Variants in COL12A1 observed in about 807,000 individuals in gnomAD.
COL12A1 encodes the protein collagen alpha-1(XII) chain.
Under a neutral mutation model 349.7 loss-of-function variants are expected in COL12A1, and 114 were observed. That is an observed-to-expected ratio of 0.33 (90% CI 0.28 to 0.38). The LOEUF is 0.38. COL12A1 is among the 10% of genes least tolerant of loss of function. The pLI is 1.00. For missense variants in COL12A1, 3,284 were observed against 3,756.9 expected, an observed-to-expected ratio of 0.87 and a Z score of 3.29; for synonymous variants, 1,369 against 1,329.0, an observed-to-expected ratio of 1.03 and a Z score of -0.66.
intron 21 of COL12A1, among the ~76,000 whole-genome samples, chr6:75,150,362 C>T (rs772474728): frequency 6.6e-6 from 1 of 152,070 alleles, no homozygotes; most frequent in Non-Finnish European, 1.5e-5. Context: ...ATCCTAATTC[C>T]TTAGCTATAT....
chr6:75,104,444 A>G (rs777132860), intron 54 of COL12A1, among the ~76,000 whole-genome samples: 1 of 152,168 alleles, frequency 6.6e-6, no homozygotes, highest in Non-Finnish European at 1.5e-5. Flanking sequence ...ATCGGTCTAC[A>G]TTATTTGCTA....
At chr6:75,198,204 A>G (rs990127915) in intron 2 of COL12A1, among the ~76,000 whole-genome samples, 3 of 152,226 alleles carry the variant, frequency 2.0e-5, no homozygotes, top group Non-Finnish European at 4.4e-5. Flanking sequence ...ATATGTAGTT[A>G]CTTTTAACCC....
intron 60 of COL12A1, among the ~76,000 whole-genome samples, chr6:75,092,099 A>G (rs1767793868): frequency 6.6e-6 from 1 of 152,192 alleles, no homozygotes; most frequent in African/African-American, 2.4e-5. Context: ...TATCACAAGA[A>G]CAGAAAACCT....
chr6:75,181,003 A>G lies in COL12A1; in HGVS notation c.2100T>C (p.Asn700=), dbSNP rs2149461949. The change falls in exon 11 of 66, where the codon AAT becomes AAC. Residue 700 remains asparagine (N), a synonymous_variant. Transcript: ENST00000322507. ...AGCCATCCTCATACTCCGCAGTCACATTGACCAAATACAAGGTCTCTGGCT... is the reference window on the plus strand; with the variant it reads ...AGCCATCCTCATACTCCGCAGTCACGTTGACCAAATACAAGGTCTCTGGCT... ...SLKPETLYLV[N]VTAEYEDGFS... The G allele has an allele frequency of 1.2e-6, 2 of 1,614,166 alleles. 1 individual carries two copies. The highest frequency in any genetic ancestry group is 2.2e-5 in the South Asian group (2 of 91,074).
intron 14 of COL12A1, among the ~76,000 whole-genome samples, chr6:75,160,058 GA>G (rs768604090): frequency 5.8e-4 from 79 of 136,636 alleles, no homozygotes; most frequent in South Asian, 1.8e-3. Context: ...ATTTTAGGGA[GA>G]AAAAAAAAAA....
chr6:75,184,320 G>T (rs1033676520), intron 8 of COL12A1, among the ~76,000 whole-genome samples, 176 bp from the exon 9 acceptor site: 1 of 152,118 alleles, frequency 6.6e-6, no homozygotes, highest in Non-Finnish European at 1.5e-5. Context: ...AACCAAAAGT[G>T]GTTCAACACT....
intron 46 of COL12A1, 35 bp downstream of exon 46, chr6:75,119,008 A>G: frequency 6.2e-7 from 1 of 1,610,608 alleles, no homozygotes; most frequent in South Asian, 1.1e-5. Flanking sequence ...AAATGTTAAA[A>G]TTTCAAGTGC....
intron 12 of COL12A1, among the ~76,000 whole-genome samples, chr6:75,176,916 CA>C (rs1768987753): frequency 6.6e-6 from 1 of 152,072 alleles, no homozygotes; most frequent in African/African-American, 2.4e-5. Context: ...ACGTATTAAA[CA>C]TTAATAATTT....
chr6:75,165,239 TG>T, intron 14 of COL12A1, among the ~76,000 whole-genome samples: 1 of 152,160 alleles, frequency 6.6e-6, no homozygotes, highest in African/African-American at 2.4e-5. Context: ...TTTTACTAGT[TG>T]GGTATTCTAT....
chr6:75,191,672 T>C, intron 5 of COL12A1, 29 bp downstream of exon 5: 2 of 1,553,706 alleles, frequency 1.3e-6, no homozygotes, highest in Non-Finnish European at 1.8e-6. Flanking sequence ...TCCATGAATC[T>C]AAGCAAAAAT....
chr6:75,163,524 C>A (rs764519572), intron 14 of COL12A1, among the ~76,000 whole-genome samples: 9 of 151,744 alleles, frequency 5.9e-5, no homozygotes, highest in Non-Finnish European at 1.0e-4. Flanking sequence ...GGGTAGGGGG[C>A]TAGGGGAGGG....
At chr6:75,099,015 G>A (rs1432259558) in intron 58 of COL12A1, among the ~76,000 whole-genome samples, 1 of 152,132 alleles carries the variant, frequency 6.6e-6, no homozygotes, top group East Asian at 1.9e-4. Flanking sequence ...TAGAGTTGTT[G>A]CATTCCTCTG....
intron 26 of COL12A1, among the ~76,000 whole-genome samples, chr6:75,143,017 A>G (rs1293340851): frequency 6.6e-6 from 1 of 152,238 alleles, no homozygotes; most frequent in Non-Finnish European, 1.5e-5. Flanking sequence ...TTTATCTACC[A>G]AGGGATGATC....
At chr6:75,121,195 A>C in intron 44 of COL12A1, 107 bp downstream of exon 44, 1 of 1,019,728 alleles carries the variant, frequency 9.8e-7, no homozygotes, top group Non-Finnish European at 1.3e-6. Context: ...CAAATAGGAG[A>C]AGGTCAAAAC....
At position 75,137,420 on chromosome 6, in the gene COL12A1, T is replaced by C. The variant is rs1346067082; in HGVS notation, c.5394+17A>G. On this transcript the variant is annotated intron_variant, in intron 31 of 65. Transcript: ENST00000322507. The stretch of plus-strand genomic sequence containing the variant: ...TGGTAGAATTAATCCAAGTTATAAT[T>C]TTTATTAAAAAATTACCGTTTGCTC... The C allele has an allele frequency of 1.3e-6, 2 of 1,550,954 alleles. No individual in the cohort carries two copies. The highest frequency in any genetic ancestry group is 1.7e-6 in the Non-Finnish European group (2 of 1,150,572).
chr6:75,102,183 G>T, intron 56 of COL12A1, 131 bp from the exon 57 acceptor site: 3 of 830,784 alleles, frequency 3.6e-6, no homozygotes, highest in South Asian at 3.5e-5. Context: ...GAGCACAGAA[G>T]GGTATTTTTG....
chr6:75,168,747 A>C (rs533015807), intron 13 of COL12A1, among the ~76,000 whole-genome samples: 1 of 152,286 alleles, frequency 6.6e-6, no homozygotes, highest in African/African-American at 2.4e-5. Context: ...TCTGAGGTCT[A>C]GAGAAGCATT....
At chr6:75,154,618 A>AAT in intron 16 of COL12A1, 81 bp from the exon 17 acceptor site, 1 of 1,391,698 alleles carries the variant, frequency 7.2e-7, no homozygotes, top group Non-Finnish European at 9.7e-7. Flanking sequence ...TGTTAAAGAC[A>AAT]TTTTTCTTGA....
intron 65 of COL12A1, 116 bp downstream of exon 65, chr6:75,087,461 G>T: frequency 1.1e-6 from 1 of 931,614 alleles, no homozygotes; most frequent in Middle Eastern, 3.3e-4. Context: ...AGAACTGAAA[G>T]AGTTGTTATC....
Sources: gnomAD v4.1 joint callset for allele counts (sites outside exome capture counted in the v4.1 genomes callset) on GRCh38, gnomAD v4.1.1 for gene constraint, MANE v1.5 for transcripts, NCBI Gene and HGNC (gene_info 2026-07-23, HGNC 2026-07-21) for gene names.